ZC2HC1A: variants seen among roughly 807,000 people sequenced by gnomAD.
ZC2HC1A encodes zinc finger C2HC domain-containing protein 1A.
A neutral mutation model predicts 40.7 loss-of-function variants in ZC2HC1A; 28 were observed. That is an observed-to-expected ratio of 0.69 (90% CI 0.51 to 0.94). The LOEUF (loss-of-function observed/expected upper bound fraction) is 0.94, where lower values mean the gene tolerates loss of function less well. ZC2HC1A is among the 40% of genes least tolerant of loss of function. The pLI is 0.00. For synonymous variants in ZC2HC1A, 129 were observed against 129.2 expected (o/e 1.00, Z 0.01); for missense variants, 389 against 386.3 (o/e 1.01, Z -0.06).
At chr8:78,689,495 G>T in intron 5 of ZC2HC1A, 122 bp downstream of exon 5, 1 of 824,820 alleles carries the variant, frequency 1.2e-6, no homozygotes, top group Non-Finnish European at 1.7e-6. Flanking sequence ...TAGATATATA[G>T]TTTTATATAT....
chr8:78,688,748 T>C (rs1810107842), intron 4 of ZC2HC1A, among the ~76,000 whole-genome samples: 1 of 152,156 alleles, frequency 6.6e-6, no homozygotes, highest in Non-Finnish European at 1.5e-5. Flanking sequence ...AAAATAGCAC[T>C]TTAAAGATAA....
At position 78,708,040 on chromosome 8, in the gene ZC2HC1A, A is replaced by C. The variant is rs115263045; in HGVS notation, c.705-7181A>C. On this transcript the variant is annotated intron_variant, in intron 7 of 8. Coordinates refer to ENST00000263849, the MANE Select transcript of ZC2HC1A (RefSeq NM_016010.3). Reference sequence around the variant, plus strand: ...TAATAAATTAATTCCCTCATCTGTTAATCTATTGGCATGTCACAGAATTAT... The same window carrying C: ...TAATAAATTAATTCCCTCATCTGTTCATCTATTGGCATGTCACAGAATTAT... Among the ~76,000 whole-genome samples the C allele has an allele frequency of 8.7e-3, 1,322 of 152,252 alleles. 17 individuals carry two copies. The highest frequency in any genetic ancestry group is 0.031 in the African/African-American group (1,267 of 41,538).
intron 2 of ZC2HC1A, among the ~76,000 whole-genome samples, chr8:78,677,596 T>C (rs919542766): frequency 1.3e-5 from 2 of 152,176 alleles, no homozygotes; most frequent in African/African-American, 4.8e-5. Context: ...AAAACTAATG[T>C]ATTCTTTGTA....
intron 7 of ZC2HC1A, among the ~76,000 whole-genome samples, chr8:78,705,298 G>GT (rs1036897624): frequency 3.4e-4 from 52 of 152,274 alleles, no homozygotes; most frequent in Middle Eastern, 6.8e-3. Flanking sequence ...GGATGGGTTT[G>GT]TTTTTTTGAA....
At chr8:78,716,169 C>A (rs1811095181) in intron 8 of ZC2HC1A, among the ~76,000 whole-genome samples, 1 of 150,518 alleles carries the variant, frequency 6.6e-6, no homozygotes, top group South Asian at 2.1e-4. Flanking sequence ...GTCGCTCAGG[C>A]TGGAGTGCAG....
chr8:78,673,122 G>A (rs1261361339), intron 1 of ZC2HC1A, among the ~76,000 whole-genome samples: 1 of 152,024 alleles, frequency 6.6e-6, no homozygotes, highest in African/African-American at 2.4e-5. Flanking sequence ...GTGTCCATGT[G>A]TTCTCATTGT....
chr8:78,683,079 A>G (rs1363826871), intron 3 of ZC2HC1A, among the ~76,000 whole-genome samples: 1 of 152,188 alleles, frequency 6.6e-6, no homozygotes, highest in East Asian at 1.9e-4. Flanking sequence ...TGCAGGGTAC[A>G]GCCCCCCTCC....
At chr8:78,710,569 T>C (rs1810921771) in intron 7 of ZC2HC1A, among the ~76,000 whole-genome samples, 1 of 152,070 alleles carries the variant, frequency 6.6e-6, no homozygotes, top group Admixed American at 6.5e-5. Context: ...ATTTTCTAAA[T>C]TTTAATTTCA....
At chr8:78,713,525 T>C (rs1010740545) in intron 7 of ZC2HC1A, among the ~76,000 whole-genome samples, 7 of 151,816 alleles carry the variant, frequency 4.6e-5, no homozygotes, top group Admixed American at 1.3e-4. Context: ...TTCCTAAAGA[T>C]TGAATTTCTA....
At chr8:78,707,762 T>A (rs917614764) in intron 7 of ZC2HC1A, among the ~76,000 whole-genome samples, 1 of 152,142 alleles carries the variant, frequency 6.6e-6, no homozygotes, top group Non-Finnish European at 1.5e-5. Flanking sequence ...TCTACCAATA[T>A]ATTACTATAT....
chr8:78,693,025 TC>T (rs1196815570), intron 5 of ZC2HC1A, among the ~76,000 whole-genome samples: 1 of 152,016 alleles, frequency 6.6e-6, no homozygotes, highest in Non-Finnish European at 1.5e-5. Flanking sequence ...AATGATGGTT[TC>T]CAGCTTCATC....
intron 7 of ZC2HC1A, among the ~76,000 whole-genome samples, chr8:78,706,002 G>A (rs1810760690): frequency 6.6e-6 from 1 of 152,138 alleles, no homozygotes; most frequent in South Asian, 2.1e-4. Flanking sequence ...GAATGGATTG[G>A]GAACCTGCTT....
chr8:78,709,200 T>C (rs768669126), intron 7 of ZC2HC1A, among the ~76,000 whole-genome samples: 1 of 152,182 alleles, frequency 6.6e-6, no homozygotes, highest in African/African-American at 2.4e-5. Context: ...GCAACTGTAA[T>C]ACACCTAAAA....
chr8:78,712,008 C>T (rs545858883), intron 7 of ZC2HC1A: 1 of 1,289,590 alleles, frequency 7.8e-7, no homozygotes, highest in South Asian at 1.2e-5. Context: ...ACAAGTTAGG[C>T]CCTCCACTTC....
chr8:78,685,210 GA>G (rs1376341946), intron 3 of ZC2HC1A, among the ~76,000 whole-genome samples: 1 of 151,560 alleles, frequency 6.6e-6, no homozygotes, highest in African/African-American at 2.4e-5. Context: ...GTTGTGGGGG[GA>G]CAGGGAGGGG....
At chr8:78,710,049 A>G (rs1288419844) in intron 7 of ZC2HC1A, among the ~76,000 whole-genome samples, 1 of 152,158 alleles carries the variant, frequency 6.6e-6, no homozygotes, top group East Asian at 1.9e-4. Context: ...GACTTTTCCT[A>G]TGTTAAAGTT....
chr8:78,686,663 G>T, intron 4 of ZC2HC1A, 55 bp downstream of exon 4: 1 of 1,395,876 alleles, frequency 7.2e-7, no homozygotes, highest in Non-Finnish European at 9.4e-7. Context: ...TAATGATAGA[G>T]TTTTTATAAA....
chr8:78,669,642 G>A (rs915981937), intron 1 of ZC2HC1A, among the ~76,000 whole-genome samples: 10 of 152,182 alleles, frequency 6.6e-5, no homozygotes, highest in East Asian at 1.9e-4. Context: ...ATAGTAATCC[G>A]TTACCTTCCT....
At chr8:78,678,511 C>T (rs1809658332) in intron 2 of ZC2HC1A, 52 bp from the exon 3 acceptor site, 1 of 1,449,346 alleles carries the variant, frequency 6.9e-7, no homozygotes, top group Non-Finnish European at 9.5e-7. Context: ...GTTCTGTAGT[C>T]TTACCTTCTG....
Sources: gnomAD v4.1 joint callset for allele counts (sites outside exome capture counted in the v4.1 genomes callset) on GRCh38, gnomAD v4.1.1 for gene constraint, MANE v1.5 for transcripts, NCBI Gene and HGNC (gene_info 2026-07-23, HGNC 2026-07-21) for gene names.